NRG1: variants seen among roughly 807,000 people sequenced by gnomAD.
The protein encoded by NRG1 is pro-neuregulin-1, membrane-bound isoform.
In NRG1, 18 loss-of-function variants were observed where a neutral mutation model predicts 63.8. The observed-to-expected ratio is 0.28, with a 90% CI of 0.19 to 0.42. The LOEUF (loss-of-function observed/expected upper bound fraction) is 0.42, where lower values mean the gene tolerates loss of function less well. NRG1 is among the 10% of genes least tolerant of loss of function. The pLI is 1.00. For missense variants in NRG1, 762 were observed against 814.7 expected (o/e 0.94, Z 0.79); for synonymous variants, 302 against 301.3 (o/e 1.00, Z -0.02).
chr8:32,624,715 A>G (rs1210405712), intron 5 of NRG1, among the ~76,000 whole-genome samples: 3 of 152,180 alleles, frequency 2.0e-5, no homozygotes, highest in Non-Finnish European at 1.5e-5. Context: ...GAAATTCTGC[A>G]TTTTGAAAGA....
At chr8:32,402,856 A>G (rs1236436335) in intron 1 of NRG1, among the ~76,000 whole-genome samples, 1 of 152,210 alleles carries the variant, frequency 6.6e-6, no homozygotes, top group Admixed American at 6.5e-5. Context: ...CGTACTACCC[A>G]CGGTTTCAGG....
chr8:32,497,846 A>G (rs996795365), intron 1 of NRG1, among the ~76,000 whole-genome samples: 2 of 152,200 alleles, frequency 1.3e-5, no homozygotes, highest in African/African-American at 4.8e-5. Flanking sequence ...TTTTTGAGAC[A>G]GAGTTTCACT....
intron 1 of NRG1, among the ~76,000 whole-genome samples, chr8:31,850,766 T>C (rs1467052923): frequency 6.6e-6 from 1 of 152,190 alleles, no homozygotes; most frequent in Non-Finnish European, 1.5e-5. Flanking sequence ...TTCATTGCCA[T>C]TTTCAAAGTG....
intron 1 of NRG1, among the ~76,000 whole-genome samples, chr8:31,777,276 C>G (rs1190900250): frequency 1.3e-5 from 2 of 152,196 alleles, no homozygotes; most frequent in African/African-American, 4.8e-5. Context: ...GTATGAGGTG[C>G]CAGGTAGTCT....
At position 32,064,048 on chromosome 8, in the gene NRG1, T is replaced by C. The variant is rs190847729; in HGVS notation, c.37+424617T>C. ...GGACGAGGGGAGCAATTGGGCAGTT[T>C]AAAACAAGCAGGCACAAAATTTCAA... On this transcript the variant is annotated intron_variant, in intron 1 of 10. Coordinates refer to the NRG1 transcript ENST00000519301. Among the ~76,000 whole-genome samples the C allele has an allele frequency of 4.5e-3, 685 of 152,018 alleles. 2 individuals carry two copies. Among genetic ancestry groups the C allele is most frequent in the Non-Finnish European group, 7.3e-3 (495 of 67,958 alleles).
chr8:32,568,382 T>C lies in NRG1; in HGVS notation c.100+19556T>C, dbSNP rs568337443. Among the ~76,000 whole-genome samples, 5 of 152,334 alleles carry C rather than the reference T, an allele frequency of 3.3e-5. 1 individual carries two copies. The highest frequency in any genetic ancestry group is 1.2e-4 in the African/African-American group (5 of 41,588). ...TTTGCTTTGGTTTTTCCACTAGTTC[T>C]TTAAGTTAAATTTAGGTAAAGAAAT... On this transcript the variant is annotated intron_variant, in intron 1 of 11. Transcript: ENST00000356819.
intron 1 of NRG1, among the ~76,000 whole-genome samples, chr8:32,288,778 A>G (rs1196488824): frequency 6.6e-6 from 1 of 152,194 alleles, no homozygotes; most frequent in African/African-American, 2.4e-5. Context: ...GCTGGACTGA[A>G]AACAATGGAA....
intron 1 of NRG1, among the ~76,000 whole-genome samples, chr8:31,830,278 A>G (rs1824980354): frequency 6.6e-6 from 1 of 151,600 alleles, no homozygotes; most frequent in Non-Finnish European, 1.5e-5. Flanking sequence ...GAAAATTTTT[A>G]TTTTTGATGC....
intron 1 of NRG1, among the ~76,000 whole-genome samples, chr8:32,118,345 G>T (rs113386009): frequency 3.9e-3 from 599 of 151,716 alleles, no homozygotes; most frequent in Non-Finnish European, 6.9e-3. Flanking sequence ...AAAGAGCCTG[G>T]TTCCTCTTCC....
At chr8:32,642,199 A>T (rs868494185) in intron 5 of NRG1, among the ~76,000 whole-genome samples, 15 of 152,222 alleles carry the variant, frequency 9.9e-5, no homozygotes, top group Non-Finnish European at 1.8e-4. Context: ...AAGCCTGCTG[A>T]TTTATTAGAG....
At chr8:32,339,490 G>T (rs1249517241) in intron 1 of NRG1, among the ~76,000 whole-genome samples, 2 of 152,176 alleles carry the variant, frequency 1.3e-5, no homozygotes, top group Admixed American at 6.5e-5. Flanking sequence ...CATGTCATAG[G>T]CAAACATCCA....
intron 1 of NRG1, among the ~76,000 whole-genome samples, chr8:32,356,027 G>T (rs986300240): frequency 3.3e-5 from 5 of 152,114 alleles, no homozygotes; most frequent in African/African-American, 4.8e-5. Flanking sequence ...TTGGGGTTTT[G>T]AAAGTAGACC....
At chr8:32,165,320 T>C (rs967813400) in intron 1 of NRG1, among the ~76,000 whole-genome samples, 4 of 151,912 alleles carry the variant, frequency 2.6e-5, no homozygotes, top group Admixed American at 6.6e-5. Flanking sequence ...TTTAAAAACA[T>C]TTTTGTAGAG....
At chr8:31,914,351 T>C (rs1448790007) in intron 1 of NRG1, among the ~76,000 whole-genome samples, 2 of 152,034 alleles carry the variant, frequency 1.3e-5, no homozygotes, top group Non-Finnish European at 2.9e-5. Context: ...TGCAGCTTTT[T>C]GAATTCACAC....
intron 5 of NRG1, among the ~76,000 whole-genome samples, chr8:32,617,853 C>T (rs991295381): frequency 4.6e-5 from 7 of 152,064 alleles, no homozygotes; most frequent in African/African-American, 1.2e-4. Flanking sequence ...TTAAATAAAT[C>T]CTGTTTGATG....
intron 1 of NRG1, among the ~76,000 whole-genome samples, chr8:31,944,795 C>T (rs930391574): frequency 1.3e-5 from 2 of 152,180 alleles, no homozygotes; most frequent in African/African-American, 4.8e-5. Context: ...AAGCAATTTA[C>T]GCAGTAGGTA....
chr8:32,062,451 A>C (rs981180825), intron 1 of NRG1, among the ~76,000 whole-genome samples: 1 of 152,020 alleles, frequency 6.6e-6, no homozygotes, highest in Non-Finnish European at 1.5e-5. Flanking sequence ...ACTTGTACGG[A>C]TATGCTGGAG....
At chr8:32,252,424 T>C (rs1320891003) in intron 1 of NRG1, among the ~76,000 whole-genome samples, 1 of 152,208 alleles carries the variant, frequency 6.6e-6, no homozygotes, top group Non-Finnish European at 1.5e-5. Flanking sequence ...GCTAGCCAGT[T>C]TTCCCAACAC....
chr8:31,949,672 G>T (rs1271971957), intron 1 of NRG1, among the ~76,000 whole-genome samples: 1 of 152,078 alleles, frequency 6.6e-6, no homozygotes, highest in Non-Finnish European at 1.5e-5. Flanking sequence ...TTTAGTTTCG[G>T]TTCTGGGTCA....
Sources: allele counts gnomAD v4.1 joint callset (sites outside exome capture counted in the v4.1 genomes callset), GRCh38; gene constraint gnomAD v4.1.1; transcripts MANE v1.5; gene names NCBI Gene and HGNC (gene_info 2026-07-23, HGNC 2026-07-21).